Variants in IL1RAPL2 observed in about 807,000 individuals in gnomAD.
IL1RAPL2 encodes the protein interleukin 1 receptor accessory protein like 2.
A neutral mutation model predicts 44.1 loss-of-function variants in IL1RAPL2; 3 were observed. The ratio of observed to expected loss-of-function variants is 0.07; its 90% CI spans 0.03 to 0.18. The LOEUF is 0.18. Among genes scored for constraint, IL1RAPL2 ranks in the 10% least tolerant of loss-of-function variants. The pLI is 1.00. For missense variants in IL1RAPL2, 391 were observed against 496.4 expected, an observed-to-expected ratio of 0.79 and a Z score of 2.02; for synonymous variants, 181 against 178.8, an observed-to-expected ratio of 1.01 and a Z score of -0.10.
chrX:105,396,313 T>C (rs1258833917), intron 5 of IL1RAPL2, among the ~76,000 whole-genome samples: 1 of 107,027 alleles, frequency 9.3e-6, no homozygotes, highest in Non-Finnish European at 1.9e-5. Context: ...TCAATGCCCC[T>C]TCCCTCCTTC....
chrX:105,073,549 G>T (rs2032242137), intron 2 of IL1RAPL2, among the ~76,000 whole-genome samples: 1 of 110,563 alleles, frequency 9.0e-6, no homozygotes, highest in Non-Finnish European at 1.9e-5. Context: ...TAATCCTTTG[G>T]GTATATACCC....
At chrX:104,798,500 TAAA>T (rs397895099) in intron 2 of IL1RAPL2, among the ~76,000 whole-genome samples, 1 of 92,421 alleles carries the variant, frequency 1.1e-5, no homozygotes, top group Non-Finnish European at 2.2e-5. Flanking sequence ...CTACTAAAAA[TAAA>T]AAAAAAAAAA....
chrX:105,463,162 G>A (rs2036104510), intron 5 of IL1RAPL2, among the ~76,000 whole-genome samples: 1 of 111,297 alleles, frequency 9.0e-6, no homozygotes, highest in Admixed American at 9.6e-5. Context: ...TCTATGGAAT[G>A]GGTGAGTCCA....
intron 2 of IL1RAPL2, among the ~76,000 whole-genome samples, chrX:105,111,783 G>A (rs1420003827): frequency 9.0e-6 from 1 of 111,367 alleles, no homozygotes; most frequent in Non-Finnish European, 1.9e-5. Flanking sequence ...ATTTTTTCTG[G>A]TTGTTGTTGT....
intron 5 of IL1RAPL2, among the ~76,000 whole-genome samples, chrX:105,330,423 A>G (rs1462931115): frequency 9.0e-6 from 1 of 111,078 alleles, no homozygotes; most frequent in African/African-American, 3.3e-5. Context: ...GCCAAATATG[A>G]AAGTTACAAA....
chrX:104,784,648 C>A (rs773232314), intron 2 of IL1RAPL2, among the ~76,000 whole-genome samples: 12 of 110,209 alleles, frequency 1.1e-4, no homozygotes, highest in Admixed American at 3.9e-4. Context: ...ATTTTCTGAT[C>A]TCCTCCACTG....
chrX:105,516,942 G>A (rs2036519180), intron 6 of IL1RAPL2, among the ~76,000 whole-genome samples: 1 of 111,738 alleles, frequency 8.9e-6, no homozygotes, highest in East Asian at 2.8e-4. Context: ...GGACTGAACA[G>A]GAGTGAAGGC....
chrX:104,705,808 C>T (rs1931355776), intron 2 of IL1RAPL2, among the ~76,000 whole-genome samples: 1 of 111,413 alleles, frequency 9.0e-6, no homozygotes, highest in Non-Finnish European at 1.9e-5. Context: ...GGACCTTTGA[C>T]AGCCTAAGGC....
intron 2 of IL1RAPL2, among the ~76,000 whole-genome samples, chrX:104,768,146 TG>T (rs1241384874): frequency 1.8e-5 from 2 of 111,698 alleles, no homozygotes; most frequent in African/African-American, 6.5e-5. Flanking sequence ...TATTATTTTT[TG>T]TGGTGAGAAC....
At position 105,145,515 on chromosome X, in the gene IL1RAPL2, C is replaced by T. The variant is rs758053634; in HGVS notation, c.83-49960C>T. ...AAGAATAGCATTAGCAGGGGTCTAA[C>T]TTTATTAGATTCAAAATTGCCCAGC... On this transcript the variant is annotated intron_variant, in intron 2 of 10. Coordinates refer to ENST00000372582, the MANE Select transcript of IL1RAPL2 (RefSeq NM_017416.2). Among the ~76,000 whole-genome samples the T allele has an allele frequency of 7.9e-4, 88 of 111,615 alleles. 1 individual carries two copies. In the Admixed American group the frequency reaches 8.4e-3, roughly 11 times the overall value.
chrX:104,966,214 G>T (rs1032495851), intron 2 of IL1RAPL2, among the ~76,000 whole-genome samples: 4 of 111,428 alleles, frequency 3.6e-5, no homozygotes, highest in African/African-American at 1.3e-4. Context: ...AAAAAGTTTG[G>T]TAAGTGGAAA....
intron 5 of IL1RAPL2, among the ~76,000 whole-genome samples, chrX:105,440,728 G>A (rs1275574748): frequency 1.8e-5 from 2 of 112,047 alleles, no homozygotes; most frequent in African/African-American, 3.2e-5. Flanking sequence ...ATGTTCAATC[G>A]GTGATATGGA....
At chrX:104,603,040 C>T (rs1306539881) in intron 1 of IL1RAPL2, among the ~76,000 whole-genome samples, 1 of 111,665 alleles carries the variant, frequency 9.0e-6, no homozygotes, top group Non-Finnish European at 1.9e-5. Context: ...TGGAAGACAC[C>T]TCCCAGATGG....
intron 8 of IL1RAPL2, among the ~76,000 whole-genome samples, chrX:105,747,943 A>C (rs2038563447): frequency 9.0e-6 from 1 of 111,192 alleles, no homozygotes; most frequent in Non-Finnish European, 1.9e-5. Context: ...TCTTGTAGGT[A>C]ATTTTATCTA....
chrX:104,688,708 A>C (rs1931034533), intron 2 of IL1RAPL2, among the ~76,000 whole-genome samples: 1 of 112,154 alleles, frequency 8.9e-6, no homozygotes, highest in African/African-American at 3.2e-5. Flanking sequence ...AGGAAAAACT[A>C]GAATTATATT....
chrX:104,766,149 C>T (rs1190944482), intron 2 of IL1RAPL2, among the ~76,000 whole-genome samples: 1 of 111,620 alleles, frequency 9.0e-6, no homozygotes, highest in Admixed American at 9.5e-5. Context: ...AGCACTTTAT[C>T]AAGTATATGT....
intron 2 of IL1RAPL2, among the ~76,000 whole-genome samples, chrX:104,666,060 C>G (rs1475313651): frequency 9.0e-6 from 1 of 110,857 alleles, no homozygotes; most frequent in Non-Finnish European, 1.9e-5. Context: ...AGGTTGGCTA[C>G]TATGAGTATG....
chrX:104,703,936 A>G (rs920061629), intron 2 of IL1RAPL2, among the ~76,000 whole-genome samples: 2 of 111,958 alleles, frequency 1.8e-5, no homozygotes, highest in African/African-American at 6.5e-5. Flanking sequence ...GAGAGCTCAG[A>G]GTGACTTCAG....
chrX:104,984,306 G>A (rs1019472756), intron 2 of IL1RAPL2, among the ~76,000 whole-genome samples: 3 of 111,347 alleles, frequency 2.7e-5, no homozygotes, highest in African/African-American at 9.8e-5. Context: ...GTACTTTTGA[G>A]AAAATATGAC....
Sources: allele counts gnomAD v4.1 joint callset (sites outside exome capture counted in the v4.1 genomes callset), GRCh38; gene constraint gnomAD v4.1.1; transcripts MANE v1.5; gene names NCBI Gene and HGNC (gene_info 2026-07-23, HGNC 2026-07-21).